The following CFTR variants were observed in gnomAD, a reference collection of about 807,000 sequenced individuals.
CFTR encodes cystic fibrosis transmembrane conductance regulator.
CFTR carries 181 observed loss-of-function variants against 171.6 expected under a neutral mutation model. That is an observed-to-expected ratio of 1.05 (90% CI 0.93 to 1.19). The LOEUF is 1.19. CFTR is among the 50% of genes most tolerant of loss of function. The pLI, the probability that CFTR is intolerant of heterozygous loss-of-function variation, is 0.00. For synonymous variants in CFTR, 583 were observed against 608.0 expected, an observed-to-expected ratio of 0.96 and a Z score of 0.60; for missense variants, 1,968 against 1,734.7, an observed-to-expected ratio of 1.13 and a Z score of -2.39.
intron 1 of CFTR, among the ~76,000 whole-genome samples, chr7:117,488,805 A>C (rs974823329): frequency 6.6e-6 from 1 of 152,062 alleles, no homozygotes; most frequent in Non-Finnish European, 1.5e-5. Flanking sequence ...TCTTGATCCT[A>C]CATGGTTGTG....
At chr7:117,590,567 C>T (rs1792010952) in intron 13 of CFTR, 128 bp downstream of exon 13, 1 of 1,194,778 alleles carries the variant, frequency 8.4e-7, no homozygotes, top group Admixed American at 2.5e-5. Context: ...CAGAATGTAG[C>T]ATGGTATTAA....
At chr7:117,490,909 A>G (rs1798150381) in intron 1 of CFTR, among the ~76,000 whole-genome samples, 1 of 152,078 alleles carries the variant, frequency 6.6e-6, no homozygotes, top group African/African-American at 2.4e-5. Flanking sequence ...CCAATTGCAC[A>G]TCTGTCGGCT....
In CFTR at chr7:117,540,347, G is replaced by T. The variant is rs397508158; in HGVS notation, c.1116+1G>T. The T allele has an allele frequency of 6.2e-7, 1 of 1,612,720 alleles. No individual in the cohort carries two copies. The highest frequency in any genetic ancestry group is 8.5e-7 in the Non-Finnish European group (1 of 1,178,894). On this transcript the variant is annotated splice_donor_variant, in intron 8 of 26. Transcript: ENST00000003084. LOFTEE classifies it high-confidence loss of function. ...TCTTGGAGCAATAAACAAAATACAG[G>T]TAATGTACCATAATGCTGCATTATA... is the stretch of plus-strand genomic sequence containing the variant.
chr7:117,607,172 T>C (rs1395230316), intron 18 of CFTR, among the ~76,000 whole-genome samples: 1 of 152,128 alleles, frequency 6.6e-6, no homozygotes, highest in Non-Finnish European at 1.5e-5. Context: ...GCCTCACCCA[T>C]GAACACTTTG....
rs397508814 is a variant in CFTR at position 117,540,119 on chromosome 7, C to T, written c.889C>T (p.Arg297Trp). ...NLRQTELKLT[R>W]KAAYVRYFNS... ...TTATAGAACAGAACTGAAACTGACT[C>T]GGAAGGCAGCCTATGTGAGATACTT... The change falls in exon 8 of 27, where the codon CGG (arginine) becomes TGG (tryptophan). Residue 297 changes from arginine (R) to tryptophan (W), a missense_variant. Physicochemically the swap from Arg to Trp is moderately radical, Grantham distance 101. Coordinates refer to ENST00000003084, the MANE Select transcript of CFTR (RefSeq NM_000492.4). The T allele has an allele frequency of 2.5e-5, 40 of 1,613,168 alleles. No homozygotes were observed. The highest frequency in any genetic ancestry group is 1.3e-4 in the African/African-American group (10 of 75,018).
intron 1 of CFTR, among the ~76,000 whole-genome samples, chr7:117,502,687 T>C (rs1297086145): frequency 6.6e-6 from 1 of 152,234 alleles, no homozygotes; most frequent in Non-Finnish European, 1.5e-5. Context: ...TTCATTTTCC[T>C]GCTGTATTCA....
At position 117,511,706 on chromosome 7, in the gene CFTR, C is replaced by T. The variant is rs190674389; in HGVS notation, c.273+2564C>T. On this transcript the variant is annotated intron_variant, in intron 3 of 26. Transcript: ENST00000003084. ...CACCCTTGTCATAGAGAAAAAACCACGCTGACACCATGCAGTTTTAAATAG... is the reference window on the plus strand; with the variant it reads ...CACCCTTGTCATAGAGAAAAAACCATGCTGACACCATGCAGTTTTAAATAG... 6.6e-5 allele frequency among the ~76,000 whole-genome samples: 10 copies of T among 152,304 alleles called. No individual in the cohort carries two copies. In the East Asian group the frequency reaches 7.7e-4, roughly 12 times the overall value.
intron 1 of CFTR, among the ~76,000 whole-genome samples, chr7:117,482,586 A>AGGAAGCTATTTTTTG (rs1798015125): frequency 6.6e-6 from 1 of 152,200 alleles, no homozygotes; most frequent in African/African-American, 2.4e-5. Flanking sequence ...TTATGAAAAT[A>AGGAAGCTATTTTTTG]ACATTTATGA....
At chr7:117,490,782 TTCTG>T (rs1268479657) in intron 1 of CFTR, among the ~76,000 whole-genome samples, 1 of 152,070 alleles carries the variant, frequency 6.6e-6, no homozygotes, top group Admixed American at 6.6e-5. Flanking sequence ...CTTTTCATCT[TTCTG>T]TCTGGGCTCT....
intron 13 of CFTR, among the ~76,000 whole-genome samples, chr7:117,591,284 A>G (rs569703849): frequency 1.3e-5 from 2 of 152,052 alleles, no homozygotes; most frequent in Non-Finnish European, 2.9e-5. Flanking sequence ...ATCTAGAACA[A>G]TGTGTCTTTC....
chr7:117,566,587 G>T (rs1791605981), intron 11 of CFTR, among the ~76,000 whole-genome samples: 1 of 145,012 alleles, frequency 6.9e-6, no homozygotes, highest in Admixed American at 6.8e-5. Context: ...ACTGTAATAT[G>T]AAGCAATAAC....
chr7:117,599,647 C>A (rs1792192344), intron 15 of CFTR, among the ~76,000 whole-genome samples: 1 of 152,084 alleles, frequency 6.6e-6, no homozygotes, highest in South Asian at 2.1e-4. Context: ...TGCCAGTTAA[C>A]TGGCTCTCAA....
At chr7:117,654,325 G>T (rs2116198914) in intron 24 of CFTR, among the ~76,000 whole-genome samples, 1 of 152,308 alleles carries the variant, frequency 6.6e-6, no homozygotes, top group South Asian at 2.1e-4. Flanking sequence ...TTGAAATCTA[G>T]GTGGAGGCAG....
chr7:117,629,642 T>A (rs1402697156), intron 22 of CFTR, among the ~76,000 whole-genome samples: 1 of 152,190 alleles, frequency 6.6e-6, no homozygotes, highest in Non-Finnish European at 1.5e-5. Flanking sequence ...TCTTGATTTC[T>A]TAGAAGGCCG....
chr7:117,481,742 T>C (rs138114198), intron 1 of CFTR, among the ~76,000 whole-genome samples: 1 of 152,346 alleles, frequency 6.6e-6, no homozygotes, highest in Non-Finnish European at 1.5e-5. Context: ...ATACCAATGA[T>C]TACAAACTTC....
intron 18 of CFTR, 95 bp from the exon 19 acceptor site, chr7:117,610,423 TG>T: frequency 9.6e-7 from 1 of 1,039,776 alleles, no homozygotes; most frequent in Non-Finnish European, 1.4e-6. Flanking sequence ...GTTTAAAGTA[TG>T]CAAAAAAAAA....
intron 21 of CFTR, among the ~76,000 whole-genome samples, chr7:117,620,910 CA>C (rs1792566112): frequency 2.0e-5 from 3 of 152,182 alleles, no homozygotes; most frequent in Admixed American, 6.5e-5. Flanking sequence ...AGTTGAAGAC[CA>C]AGCTGGTCAA....
intron 11 of CFTR, among the ~76,000 whole-genome samples, chr7:117,577,936 A>G (rs1299078957): frequency 6.6e-6 from 1 of 152,168 alleles, no homozygotes; most frequent in Non-Finnish European, 1.5e-5. Flanking sequence ...TTACTTATGC[A>G]GGATACCAAG....
intron 21 of CFTR, among the ~76,000 whole-genome samples, chr7:117,619,778 G>T (rs1266907813): frequency 1.3e-5 from 2 of 152,162 alleles, no homozygotes; most frequent in Admixed American, 6.6e-5. Flanking sequence ...AGTCTGCAAG[G>T]CTTGTGGATA....
Sources: gnomAD v4.1 joint callset for allele counts (sites outside exome capture counted in the v4.1 genomes callset) on GRCh38, gnomAD v4.1.1 for gene constraint, MANE v1.5 for transcripts, NCBI Gene and HGNC (gene_info 2026-07-23, HGNC 2026-07-21) for gene names.